The following MCCC1 variants were observed in gnomAD, a reference collection of about 807,000 sequenced individuals.
MCCC1 encodes the protein methylcrotonyl-CoA carboxylase subunit 1.
A neutral mutation model predicts 83.8 loss-of-function variants in MCCC1; 64 were observed. The ratio of observed to expected loss-of-function variants is 0.76; its 90% confidence interval spans 0.62 to 0.94. The LOEUF (loss-of-function observed/expected upper bound fraction) is 0.94, where lower values mean the gene tolerates loss of function less well. MCCC1 is among the 40% of genes least tolerant of loss of function. MCCC1 has a pLI of 0.00. For missense variants in MCCC1, 807 were observed against 904.7 expected (o/e 0.89, Z 1.39); for synonymous variants, 322 against 315.4 (o/e 1.02, Z -0.22).
At chr3:183,113,906 G>A (rs955796569) in intron 1 of MCCC1, among the ~76,000 whole-genome samples, 4 of 152,074 alleles carry the variant, frequency 2.6e-5, no homozygotes, top group Non-Finnish European at 5.9e-5. Flanking sequence ...AGAGCGGGTG[G>A]GGAGCTGTCT....
chr3:183,027,977 G>C (rs1712747771), intron 14 of MCCC1, among the ~76,000 whole-genome samples: 1 of 152,194 alleles, frequency 6.6e-6, no homozygotes. Flanking sequence ...ACATTTAATG[G>C]AGACAAAACA....
chr3:183,094,576 T>C lies in MCCC1; in HGVS notation c.119A>G (p.Lys40Arg). 1 of 1,614,188 alleles carries C rather than the reference T, an allele frequency of 6.2e-7. No individual in the cohort carries two copies. Among genetic ancestry groups the C allele is most frequent in the Non-Finnish European group, 8.5e-7 (1 of 1,180,022 alleles). ...RTWVWRQRTM[K>R]YTTATGRNIT... ...GTCAGTACCTGTGGCTGTTGTGTACTTCATGGTTCTTTGCCTCCACACCCA... is the reference window on the plus strand; with the variant it reads ...GTCAGTACCTGTGGCTGTTGTGTACCTCATGGTTCTTTGCCTCCACACCCA... The change falls in exon 2 of 19, where the codon AAG (lysine) becomes AGG (arginine). Residue 40 changes from lysine to arginine, a missense_variant. Transcript: ENST00000265594.
intron 18 of MCCC1, 38 bp from the exon 19 acceptor site, chr3:183,015,604 T>C: frequency 1.2e-6 from 2 of 1,613,332 alleles, no homozygotes. Context: ...ATAGCTGCAA[T>C]ACTAATGAGG....
intron 11 of MCCC1, among the ~76,000 whole-genome samples, chr3:183,039,952 C>T (rs943990332): frequency 2.6e-5 from 4 of 151,696 alleles, no homozygotes; most frequent in Admixed American, 1.3e-4. Flanking sequence ...AAAAATTAGC[C>T]GGGCGTGGTG....
Position 183,096,484 on chromosome 3 carries a change from T to C in MCCC1, c.90-1879A>G, listed in dbSNP as rs931648270. Reference sequence around the variant, plus strand: ...TTTAGATTATTCACAAAGCACAAGATAAAAGCACAGCGTGTGCATTAGAAA... The same window carrying C: ...TTTAGATTATTCACAAAGCACAAGACAAAAGCACAGCGTGTGCATTAGAAA... On this transcript the variant is annotated intron_variant, in intron 1 of 18. Coordinates refer to ENST00000265594, the MANE Select transcript of MCCC1 (RefSeq NM_020166.5). 2.0e-5 allele frequency among the ~76,000 whole-genome samples: 3 copies of C among 152,294 alleles called. No homozygotes were observed. The East Asian group carries it at 5.8e-4, about 29-fold the overall frequency.
chr3:183,100,778 T>A (rs1719197166), upstream of MCCC1, among the ~76,000 whole-genome samples: 3 of 152,254 alleles, frequency 2.0e-5, no homozygotes, highest in Non-Finnish European at 2.9e-5. Context: ...CTCCCCTGCC[T>A]GGGCTCCCAC....
intron 4 of MCCC1, among the ~76,000 whole-genome samples, chr3:183,083,597 G>C (rs907607469): frequency 6.6e-6 from 1 of 151,906 alleles, no homozygotes; most frequent in Non-Finnish European, 1.5e-5. Flanking sequence ...CTTTCTCATT[G>C]TGTTACAGCA....
intron 14 of MCCC1, chr3:183,028,989 G>T (rs192051904): frequency 2.0e-5 from 3 of 152,170 alleles, no homozygotes; most frequent in Non-Finnish European, 4.4e-5. Flanking sequence ...CTTAATTAAG[G>T]TATATACATT....
rs550990043 is a variant in MCCC1 at position 183,035,803 on chromosome 3, G to T, written c.1594+1415C>A. Among the ~76,000 whole-genome samples the T allele has an allele frequency of 9.9e-5, 15 of 152,010 alleles. No individual in the cohort carries two copies. In the South Asian group the frequency reaches 3.1e-3, roughly 32 times the overall value. ...AATGCAAAAAGTATGTGAGAGCTGA[G>T]ATTTTGTATCAATTTAAAGGGCAGA... On this transcript the variant is annotated intron_variant, in intron 13 of 18. Coordinates refer to ENST00000265594, the MANE Select transcript of MCCC1 (RefSeq NM_020166.5).
At chr3:183,095,270 G>A (rs1420807526) in intron 1 of MCCC1, among the ~76,000 whole-genome samples, 6 of 151,200 alleles carry the variant, frequency 4.0e-5, no homozygotes, top group African/African-American at 7.3e-5. Context: ...GTGACAGAGC[G>A]AGACTCCGTC....
chr3:183,100,311 T>C (rs117013467), upstream of MCCC1, among the ~76,000 whole-genome samples: 734 of 152,190 alleles, frequency 4.8e-3, 12 homozygotes, highest in East Asian at 4.1e-3. Flanking sequence ...TACAAGAAAA[T>C]ACAATTTATC....
chr3:183,053,861 AT>A (rs1715192628), intron 8 of MCCC1, among the ~76,000 whole-genome samples: 1 of 149,794 alleles, frequency 6.7e-6, no homozygotes, highest in African/African-American at 2.4e-5. Flanking sequence ...AGCTTATAGA[AT>A]TAAGGCTATA....
At chr3:183,068,819 A>T (rs1716439727) in intron 7 of MCCC1, among the ~76,000 whole-genome samples, 1 of 152,230 alleles carries the variant, frequency 6.6e-6, no homozygotes, top group African/African-American at 2.4e-5. Context: ...TGTGTTACAA[A>T]TGCCTACAGT....
intron 14 of MCCC1, among the ~76,000 whole-genome samples, chr3:183,028,367 C>T (rs1329626261): frequency 6.6e-6 from 1 of 152,172 alleles, no homozygotes; most frequent in Non-Finnish European, 1.5e-5. Context: ...TGGAGACATA[C>T]AAGGAGATTA....
intron 8 of MCCC1, among the ~76,000 whole-genome samples, chr3:183,054,096 G>C (rs149360547): frequency 1.3e-5 from 2 of 150,842 alleles, no homozygotes; most frequent in African/African-American, 4.9e-5. Context: ...TGGCCAGGCT[G>C]GTCTCGAAGT....
At chr3:183,068,719 C>G (rs958560421) in intron 7 of MCCC1, among the ~76,000 whole-genome samples, 4 of 152,180 alleles carry the variant, frequency 2.6e-5, no homozygotes, top group African/African-American at 9.7e-5. Flanking sequence ...TATGATAGAG[C>G]TGAAAAATTC....
At chr3:183,077,889 A>G (rs1717195660) in intron 4 of MCCC1, among the ~76,000 whole-genome samples, 1 of 152,136 alleles carries the variant, frequency 6.6e-6, no homozygotes, top group Non-Finnish European at 1.5e-5. Context: ...CCTTTCCTCT[A>G]TTGAATTACT....
chr3:183,081,310 T>TCTCA lies in MCCC1; in HGVS notation c.369+5382_369+5383insTGAG, dbSNP rs377436832. On this transcript the variant is annotated intron_variant, in intron 4 of 18. Transcript: ENST00000265594. ...TCATAGGATTGCAAACCTGTTGAGA[T>TCTCA]TGTTCATTGCACGGTACTAACATGC... Among the ~76,000 whole-genome samples the TCTCA allele has an allele frequency of 5.1e-3, 773 of 152,326 alleles. 4 individuals carry two copies. Among genetic ancestry groups the TCTCA allele is most frequent in the African/African-American group, 0.018 (739 of 41,572 alleles).
intron 18 of MCCC1, 73 bp from the exon 19 acceptor site, chr3:183,015,639 A>C: frequency 6.3e-7 from 1 of 1,584,754 alleles, no homozygotes. Flanking sequence ...AAGTCAAGAA[A>C]GGGAGACCAA....
Sources: allele counts gnomAD v4.1 joint callset (sites outside exome capture counted in the v4.1 genomes callset), GRCh38; gene constraint gnomAD v4.1.1; transcripts MANE v1.5; gene names NCBI Gene and HGNC (gene_info 2026-07-23, HGNC 2026-07-21).